The following TENM2 variants were observed in gnomAD, a reference collection of about 807,000 sequenced individuals.
The protein encoded by TENM2 is teneurin transmembrane protein 2.
In TENM2, 52 loss-of-function variants were observed where a neutral mutation model predicts 245.2. That is an observed-to-expected ratio of 0.21 (90% confidence interval 0.17 to 0.27). The LOEUF (loss-of-function observed/expected upper bound fraction) is 0.27. Ranked by LOEUF, TENM2 falls within the 10% of genes least tolerant of loss-of-function variation. TENM2 has a pLI of 1.00. For missense variants in TENM2, 3,046 were observed against 3,666.8 expected (o/e 0.83, Z 4.37); for synonymous variants, 1,363 against 1,438.9 (o/e 0.95, Z 1.19).
the TENM2 span, among the ~76,000 whole-genome samples, chr5:167,136,930 T>A: frequency 6.6e-6 from 1 of 152,338 alleles, no homozygotes; most frequent in African/African-American, 2.4e-5. Context: ...CTAGGTGGTT[T>A]AAACAACATA....
At chr5:167,764,172 C>T (rs896694526) in intron 2 of TENM2, among the ~76,000 whole-genome samples, 1 of 152,082 alleles carries the variant, frequency 6.6e-6, no homozygotes, top group African/African-American at 2.4e-5. Context: ...ATTTGGGAGA[C>T]TGCTGAGTCT....
chr5:167,238,694 CAAAAAAAAA>C, the TENM2 span, among the ~76,000 whole-genome samples: 2 of 58,120 alleles, frequency 3.4e-5, no homozygotes, highest in African/African-American at 5.0e-5. Flanking sequence ...ACAGGAGATG[CAAAAAAAAA>C]AAAAAAAAAA....
chr5:167,206,817 A>C, the TENM2 span, among the ~76,000 whole-genome samples: 1 of 152,182 alleles, frequency 6.6e-6, no homozygotes, highest in Non-Finnish European at 1.5e-5. Context: ...TAATCAAAAC[A>C]CTTGATTAGC....
chr5:167,915,665 T>G (rs915574443), intron 3 of TENM2, among the ~76,000 whole-genome samples: 1 of 152,080 alleles, frequency 6.6e-6, no homozygotes, highest in African/African-American at 2.4e-5. Context: ...CAACAAAAAT[T>G]AAAGGCATAA....
chr5:168,181,232 T>G (rs966068005), intron 13 of TENM2, among the ~76,000 whole-genome samples: 1 of 152,266 alleles, frequency 6.6e-6, no homozygotes, highest in Non-Finnish European at 1.5e-5. Context: ...TGGCATTTGT[T>G]TTTGGTTTTT....
At chr5:167,356,219 A>T (rs1759324854) in intron 1 of TENM2, among the ~76,000 whole-genome samples, 1 of 134,462 alleles carries the variant, frequency 7.4e-6, no homozygotes, top group East Asian at 2.1e-4. Context: ...AAAAAAAAAA[A>T]AATTAAAATT....
intron 8 of TENM2, among the ~76,000 whole-genome samples, chr5:168,096,338 G>A (rs1418710472): frequency 6.6e-6 from 1 of 152,090 alleles, no homozygotes; most frequent in Non-Finnish European, 1.5e-5. Context: ...AAAAATAAAT[G>A]AATAAATGAA....
intron 16 of TENM2, among the ~76,000 whole-genome samples, chr5:168,199,540 T>A (rs149811164): frequency 5.5e-4 from 84 of 152,386 alleles, no homozygotes; most frequent in African/African-American, 1.9e-3. Flanking sequence ...CAGCCTCTCG[T>A]GGCCTCCTTG....
intron 3 of TENM2, among the ~76,000 whole-genome samples, chr5:167,900,141 G>A (rs1020549572): frequency 0.032 from 4,096 of 129,828 alleles, 176 homozygotes; most frequent in African/African-American, 0.078. Flanking sequence ...AAAGGGGGGG[G>A]GGGTTTTGGA....
chr5:168,062,288 C>G (rs746466434), intron 7 of TENM2, 23 bp downstream of exon 9: 1 of 1,600,756 alleles, frequency 6.2e-7, no homozygotes, highest in Non-Finnish European at 8.5e-7. Context: ...TTGATGTAAT[C>G]AAGCATTTAA....
At chr5:167,101,913 C>T in the TENM2 span, among the ~76,000 whole-genome samples, 32 of 114,006 alleles carry the variant, frequency 2.8e-4, no homozygotes, top group East Asian at 4.5e-3. Flanking sequence ...TATATACACA[C>T]ATATATACAA....
intron 9 of TENM2, among the ~76,000 whole-genome samples, chr5:168,116,377 A>G (rs564094590): frequency 6.6e-6 from 1 of 152,196 alleles, no homozygotes; most frequent in East Asian, 1.9e-4. Flanking sequence ...AGGGGAAATG[A>G]CCCCTCAATC....
At chr5:167,949,921 G>A (rs1464699174) in intron 3 of TENM2, among the ~76,000 whole-genome samples, 1 of 152,164 alleles carries the variant, frequency 6.6e-6, no homozygotes, top group Non-Finnish European at 1.5e-5. Context: ...TGGTGAAAAT[G>A]AGCAACAGTT....
chr5:167,979,953 CTT>C (rs1782713758), intron 4 of TENM2, among the ~76,000 whole-genome samples: 1 of 152,154 alleles, frequency 6.6e-6, no homozygotes, highest in Non-Finnish European at 1.5e-5. Context: ...CAGAGAGAAA[CTT>C]TTTACATTCA....
chr5:167,630,847 C>T (rs1293273960), intron 2 of TENM2, among the ~76,000 whole-genome samples: 5 of 152,094 alleles, frequency 3.3e-5, no homozygotes, highest in African/African-American at 1.2e-4. Flanking sequence ...CTGGGAAAGC[C>T]CCAGAGTGGG....
chr5:167,418,941 T>C (rs903381570), intron 2 of TENM2, among the ~76,000 whole-genome samples: 2 of 152,254 alleles, frequency 1.3e-5, no homozygotes, highest in East Asian at 1.9e-4. Flanking sequence ...TTATGATTGC[T>C]TCAAGATAGT....
At chr5:167,657,859 A>G (rs770876627) in intron 2 of TENM2, among the ~76,000 whole-genome samples, 4 of 152,210 alleles carry the variant, frequency 2.6e-5, no homozygotes, top group Non-Finnish European at 5.9e-5. Flanking sequence ...CCAGTCCCTG[A>G]TCTAGCAGAG....
intron 4 of TENM2, among the ~76,000 whole-genome samples, chr5:167,980,852 G>A (rs931795419): frequency 1.3e-5 from 2 of 152,084 alleles, no homozygotes; most frequent in Admixed American, 6.5e-5. Flanking sequence ...TGATGGATTG[G>A]GTGTGAGAGA....
At chr5:167,023,774 GT>G in the TENM2 span, among the ~76,000 whole-genome samples, 1 of 152,156 alleles carries the variant, frequency 6.6e-6, no homozygotes, top group Non-Finnish European at 1.5e-5. Flanking sequence ...AAGTTTCCAA[GT>G]TATTATTAGG....
Sources: gnomAD v4.1 joint callset for allele counts (sites outside exome capture counted in the v4.1 genomes callset) on GRCh38, gnomAD v4.1.1 for gene constraint, MANE v1.5 for transcripts, NCBI Gene and HGNC (gene_info 2026-07-23, HGNC 2026-07-21) for gene names.